NBEA: variants seen among roughly 807,000 people sequenced by gnomAD.
NBEA encodes the protein lysosomal-trafficking regulator 2.
NBEA carries 44 observed loss-of-function variants against 343.4 expected under a neutral mutation model. The observed-to-expected ratio is 0.13, with a 90% CI of 0.10 to 0.16. The LOEUF is 0.16. Among genes scored for constraint, NBEA ranks in the 10% least tolerant of loss-of-function variants. The pLI, the probability that NBEA is intolerant of heterozygous loss-of-function variation, is 1.00. For synonymous variants in NBEA, 1,175 were observed against 1,238.7 expected (o/e 0.95, Z 1.08); for missense variants, 2,555 against 3,631.3 (o/e 0.70, Z 7.62).
At chr13:35,317,821 A>T (rs931848120) in intron 36 of NBEA, among the ~76,000 whole-genome samples, 1 of 152,116 alleles carries the variant, frequency 6.6e-6, no homozygotes, top group Non-Finnish European at 1.5e-5. Context: ...GGTCCTTCAC[A>T]TCCCTTGTGA....
chr13:35,539,915 C>CA (rs71081262), intron 41 of NBEA, among the ~76,000 whole-genome samples: 3,118 of 39,454 alleles, frequency 0.079, 810 homozygotes, highest in African/African-American at 0.19. Context: ...GACTCCGTCT[C>CA]AAAAAAAAAA....
intron 5 of NBEA, among the ~76,000 whole-genome samples, chr13:35,049,074 G>C (rs1490929793): frequency 6.6e-6 from 1 of 151,718 alleles, no homozygotes; most frequent in Non-Finnish European, 1.5e-5. Context: ...GAGCATAACT[G>C]ACATATGCTT....
chr13:35,186,447 T>C (rs1334479067), intron 30 of NBEA: 1 of 152,224 alleles, frequency 6.6e-6, no homozygotes, highest in Non-Finnish European at 1.5e-5. Flanking sequence ...AGGTAGCAAA[T>C]TAATGGATCT....
intron 34 of NBEA, among the ~76,000 whole-genome samples, chr13:35,269,557 G>C (rs1016965875): frequency 1.3e-5 from 2 of 152,204 alleles, no homozygotes; most frequent in African/African-American, 4.8e-5. Context: ...GTCATCGTTA[G>C]AATCTTTGAT....
At position 35,043,115 on chromosome 13, in the gene NBEA, C is replaced by T. The variant is rs115650437; in HGVS notation, c.527-1832C>T. The stretch of plus-strand genomic sequence containing the variant: ...GAGCTGCTTGGTTGTGTTACATATA[C>T]AATATATAAGTAATTCGTATTTTTT... On this transcript the variant is annotated intron_variant, in intron 2 of 58. Coordinates refer to ENST00000379939, the MANE Select transcript of NBEA (RefSeq NM_001385012.1). Among the ~76,000 whole-genome samples, 510 of 151,794 alleles carry T rather than the reference C, an allele frequency of 3.4e-3. 2 individuals are homozygous for T. Among genetic ancestry groups the T allele is most frequent in the African/African-American group, 0.011 (469 of 41,516 alleles).
At chr13:35,460,047 A>G (rs1158012992) in intron 40 of NBEA, among the ~76,000 whole-genome samples, 2 of 152,196 alleles carry the variant, frequency 1.3e-5, no homozygotes, top group Non-Finnish European at 2.9e-5. Context: ...AGATTCCTCC[A>G]TATTTAGTTT....
intron 46 of NBEA, among the ~76,000 whole-genome samples, chr13:35,588,023 T>C (rs867791616): frequency 4.8e-4 from 73 of 152,268 alleles, no homozygotes; most frequent in African/African-American, 1.6e-3. Flanking sequence ...CAAAATGTTA[T>C]CATTTAAACA....
intron 38 of NBEA, among the ~76,000 whole-genome samples, chr13:35,419,712 T>G (rs2044155953): frequency 6.6e-6 from 1 of 151,844 alleles, no homozygotes; most frequent in African/African-American, 2.4e-5. Flanking sequence ...GGTTAATATC[T>G]ACCCCCACCC....
chr13:35,246,270 A>C (rs777771580), intron 34 of NBEA, among the ~76,000 whole-genome samples: 5 of 152,054 alleles, frequency 3.3e-5, no homozygotes, highest in Non-Finnish European at 7.4e-5. Flanking sequence ...AATCAACCTG[A>C]ATTCTTTTTC....
At chr13:35,008,206 G>A (rs1037559528) in intron 1 of NBEA, among the ~76,000 whole-genome samples, 17 of 152,108 alleles carry the variant, frequency 1.1e-4, no homozygotes, top group African/African-American at 3.6e-4. Flanking sequence ...AATAGCTATA[G>A]TTCACCATTT....
At chr13:35,243,898 G>C (rs1249471563) in intron 34 of NBEA, among the ~76,000 whole-genome samples, 1 of 151,742 alleles carries the variant, frequency 6.6e-6, no homozygotes, top group Admixed American at 6.6e-5. Flanking sequence ...AGATCAATTG[G>C]ACTTAACAGA....
chr13:35,308,448 A>ATATATATATG (rs2037059070), intron 35 of NBEA, among the ~76,000 whole-genome samples: 1 of 112,628 alleles, frequency 8.9e-6, no homozygotes, highest in East Asian at 2.5e-4. Flanking sequence ...CTATATATAT[A>ATATATATATG]TATATATATA....
intron 41 of NBEA, among the ~76,000 whole-genome samples, chr13:35,489,081 GT>G (rs879422498): frequency 4.7e-5 from 7 of 147,444 alleles, no homozygotes; most frequent in Non-Finnish European, 7.5e-5. Context: ...TATTTGCCAA[GT>G]TTTTTTTTTA....
At chr13:35,652,484 T>TA (rs1307561134) in intron 53 of NBEA, among the ~76,000 whole-genome samples, 2 of 150,238 alleles carry the variant, frequency 1.3e-5, no homozygotes, top group African/African-American at 4.9e-5. Context: ...ACTAAAAATA[T>TA]AAAAAAATTA....
intron 45 of NBEA, among the ~76,000 whole-genome samples, chr13:35,569,879 T>C (rs927958765): frequency 1.3e-5 from 2 of 152,374 alleles, no homozygotes; most frequent in African/African-American, 4.8e-5. Flanking sequence ...GTATGGGTTA[T>C]AGAAGGCATC....
intron 1 of NBEA, among the ~76,000 whole-genome samples, chr13:34,967,892 C>T (rs941973123): frequency 6.6e-6 from 1 of 152,070 alleles, no homozygotes; most frequent in Non-Finnish European, 1.5e-5. Context: ...AATTCTGACA[C>T]TAATTGAAAG....
intron 36 of NBEA, among the ~76,000 whole-genome samples, chr13:35,343,724 A>T (rs1402438966): frequency 6.6e-6 from 1 of 152,110 alleles, no homozygotes; most frequent in Non-Finnish European, 1.5e-5. Flanking sequence ...TGCAAGGGAT[A>T]TAGGTTGCAT....
chr13:35,360,837 G>C (rs993840293), intron 38 of NBEA, among the ~76,000 whole-genome samples: 1 of 151,924 alleles, frequency 6.6e-6, no homozygotes, highest in Non-Finnish European at 1.5e-5. Context: ...AATTAACAGA[G>C]CTTCAGGCAC....
intron 36 of NBEA, among the ~76,000 whole-genome samples, chr13:35,324,172 G>A (rs1284744978): frequency 6.6e-6 from 1 of 152,158 alleles, no homozygotes; most frequent in Non-Finnish European, 1.5e-5. Context: ...TGTGCACGTA[G>A]CCAAAGGATA....
Sources: gnomAD v4.1 joint callset for allele counts (sites outside exome capture counted in the v4.1 genomes callset) on GRCh38, gnomAD v4.1.1 for gene constraint, MANE v1.5 for transcripts, NCBI Gene and HGNC (gene_info 2026-07-23, HGNC 2026-07-21) for gene names.